Variants in ANKS1A observed in about 807,000 individuals in gnomAD.
The protein encoded by ANKS1A is ankyrin repeat and SAM domain-containing protein 1A.
A neutral mutation model predicts 120.3 loss-of-function variants in ANKS1A; 55 were observed. The observed-to-expected ratio is 0.46, with a 90% CI of 0.37 to 0.57. The LOEUF (loss-of-function observed/expected upper bound fraction) is 0.57. Ranked by LOEUF, ANKS1A falls within the 20% of genes least tolerant of loss-of-function variation. The pLI, the probability that ANKS1A is intolerant of heterozygous loss-of-function variation, is 0.00. For missense variants in ANKS1A, 1,123 were observed against 1,480.3 expected (o/e 0.76, Z 3.96); for synonymous variants, 590 against 604.7 (o/e 0.98, Z 0.36).
At chr6:34,899,751 G>T (rs1459657023) in intron 1 of ANKS1A, among the ~76,000 whole-genome samples, 3 of 152,224 alleles carry the variant, frequency 2.0e-5, no homozygotes, top group Admixed American at 2.0e-4. Context: ...AGGAGCCCCA[G>T]TCTTGGCTTT....
chr6:35,078,717 C>G lies in ANKS1A; in HGVS notation c.2283+61C>G, dbSNP rs890916891. On this transcript the variant is annotated intron_variant, in intron 14 of 23. Coordinates refer to ENST00000360359, the MANE Select transcript of ANKS1A (RefSeq NM_015245.3). ...GGAGCCAGGGCCACCTCCCTAGCACCACCTGCACCAAGAACAGGGGAGGAG... is the reference window on the plus strand; with the variant it reads ...GGAGCCAGGGCCACCTCCCTAGCACGACCTGCACCAAGAACAGGGGAGGAG... The G allele has an allele frequency of 2.7e-6, 4 of 1,483,184 alleles. No individual in the cohort carries two copies. In the African/African-American group the frequency reaches 4.1e-5, roughly 15 times the overall value. 91.9% of individuals were successfully genotyped at this position (1,483,184 alleles called of 1,614,324 possible).
chr6:35,017,457 C>T lies in ANKS1A; in HGVS notation c.1424-16C>T. On this transcript the variant is annotated splice_polypyrimidine_tract_variant and intron_variant, in intron 10 of 23. Transcript: ENST00000360359. ...CGTTTAATTTTTTATTTCTCTGTCT[C>T]TCCGTCCACTCCAAGACCACAGGCG... 6.4e-7 allele frequency: 1 copy of T among 1,573,850 alleles called. No individual in the cohort carries two copies. Among genetic ancestry groups the T allele is most frequent in the Non-Finnish European group, 8.6e-7 (1 of 1,159,706 alleles).
intron 11 of ANKS1A, chr6:35,039,789 G>A (rs1403113050): frequency 4.6e-5 from 15 of 326,746 alleles, no homozygotes; most frequent in Non-Finnish European, 7.9e-5. Context: ...CCTAAGTCAT[G>A]TATTAGGAAG....
At chr6:35,080,377 G>A (rs1046228681) in intron 16 of ANKS1A, among the ~76,000 whole-genome samples, 2 of 152,234 alleles carry the variant, frequency 1.3e-5, no homozygotes, top group Non-Finnish European at 2.9e-5. Context: ...CAACAGAAAC[G>A]GGTTAGACTC....
At chr6:34,901,895 A>G (rs1199812410) in intron 1 of ANKS1A, among the ~76,000 whole-genome samples, 2 of 152,242 alleles carry the variant, frequency 1.3e-5, no homozygotes, top group Non-Finnish European at 2.9e-5. Context: ...CTGTGGAAGT[A>G]TAAGGTGGAA....
chr6:34,946,799 C>T (rs943050862), intron 1 of ANKS1A, among the ~76,000 whole-genome samples: 19 of 152,172 alleles, frequency 1.2e-4, no homozygotes, highest in African/African-American at 4.6e-4. Context: ...ACAGAAATAT[C>T]AATACAACTT....
chr6:34,896,869 T>C (rs140827782), intron 1 of ANKS1A, among the ~76,000 whole-genome samples: 11,101 of 151,816 alleles, frequency 0.073, 615 homozygotes, highest in East Asian at 0.23. Context: ...GAGGCTGAGG[T>C]AGGAGAATTG....
intron 10 of ANKS1A, among the ~76,000 whole-genome samples, chr6:35,002,696 C>T (rs972898547): frequency 1.3e-5 from 2 of 151,816 alleles, no homozygotes; most frequent in African/African-American, 4.8e-5. Context: ...GCCTACAGAC[C>T]CAGTTCCTGA....
intron 10 of ANKS1A, among the ~76,000 whole-genome samples, chr6:35,002,412 T>A (rs1773223015): frequency 6.6e-6 from 1 of 152,162 alleles, no homozygotes; most frequent in Non-Finnish European, 1.5e-5. Context: ...GCGGGACTCA[T>A]TTTCCTTAAA....
intron 11 of ANKS1A, among the ~76,000 whole-genome samples, chr6:35,028,549 T>C (rs1774742142): frequency 6.6e-6 from 1 of 152,222 alleles, no homozygotes; most frequent in South Asian, 2.1e-4. Context: ...CCAAAGACTA[T>C]ATAGTGAAAA....
In ANKS1A at chr6:35,090,584, A is replaced by G; in HGVS notation, c.*1975A>G. 1.0e-6 allele frequency: 1 copy of G among 998,140 alleles called. No homozygotes were observed. The highest frequency in any genetic ancestry group is 1.2e-6 in the Non-Finnish European group (1 of 837,914). The allele number at this position is 998,140 out of a possible 1,614,324, so 61.8% of individuals were successfully genotyped here. A position where few individuals can be genotyped will look rare whatever the true frequency, so the allele number is the denominator to read the frequency against. On this transcript the variant is annotated 3_prime_UTR_variant, in exon 24 of 24. Transcript: ENST00000360359. ...TGCTCTAGCTCTGGGTTCTGTTTAG[A>G]GATTGGTTTATTTCTGAATATTCAA...
intron 13 of ANKS1A, among the ~76,000 whole-genome samples, chr6:35,075,907 C>G (rs944551952): frequency 3.9e-5 from 6 of 152,154 alleles, no homozygotes; most frequent in Non-Finnish European, 8.8e-5. Context: ...ACCACAGCTG[C>G]GCACCACCAT....
In ANKS1A at chr6:34,971,983, C is replaced by A. The variant is rs745718097; in HGVS notation, c.435+1817C>A. On this transcript the variant is annotated intron_variant, in intron 3 of 23. Coordinates refer to ENST00000360359, the MANE Select transcript of ANKS1A (RefSeq NM_015245.3). ...TTAGAATCTAAGTGCAATTTTACTC[C>A]TTCTAGCTAAAGTGGTCATTTCTCT... is the stretch of plus-strand genomic sequence containing the variant. Among the ~76,000 whole-genome samples, 9 of 152,170 alleles carry A rather than the reference C, an allele frequency of 5.9e-5. 1 individual carries two copies. The highest frequency in any genetic ancestry group is 1.3e-4 in the Non-Finnish European group (9 of 68,026).
chr6:35,032,639 C>T (rs1774965079), intron 11 of ANKS1A, among the ~76,000 whole-genome samples: 1 of 152,156 alleles, frequency 6.6e-6, no homozygotes, highest in Admixed American at 6.5e-5. Context: ...AGACTTGCTG[C>T]GCTTGGGCAT....
Position 35,018,053 on chromosome 6 carries a change from G to C in ANKS1A, c.2004G>C (p.Trp668Cys). ...AGTCACCCTCCTTCGCCTCGGAGTGGGATGAGGTAAGGCCGACATGACGTC... is the reference window on the plus strand; with the variant it reads ...AGTCACCCTCCTTCGCCTCGGAGTGCGATGAGGTAAGGCCGACATGACGTC... ...LEKSPSFASE[W>C]DEIEKIMSSI... Residue 668 changes from tryptophan to cysteine, a missense_variant, in exon 11 of 24, where the codon TGG becomes TGC. This residue lies in a region of ANKS1A where 904 missense variants were observed against 1,130.4 expected (regional missense o/e 0.80). Coordinates refer to ENST00000360359, the MANE Select transcript of ANKS1A (RefSeq NM_015245.3). 1 of 1,613,332 alleles carries C rather than the reference G, an allele frequency of 6.2e-7. No homozygotes were observed. The highest frequency in any genetic ancestry group is 8.5e-7 in the Non-Finnish European group (1 of 1,179,782).
rs372595838 is a variant in ANKS1A, at chr6:34,997,195, AT to A, written c.1423+2792del. ...TGAGTCTTCCAATCATATTGGTAGA[AT>A]TTTTTTTTTTTTTTTTTTGAGACAG... On this transcript the variant is annotated intron_variant, in intron 10 of 23. Coordinates refer to ENST00000360359, the MANE Select transcript of ANKS1A (RefSeq NM_015245.3). 3.8e-3 allele frequency among the ~76,000 whole-genome samples: 495 copies of A among 130,238 alleles called. 6 individuals carry two copies. The highest frequency in any genetic ancestry group is 0.026 in the Admixed American group (314 of 12,296). 85.4% of individuals were successfully genotyped at this position (130,238 alleles called of 152,430 possible).
At chr6:34,936,176 C>T (rs1398352022) in intron 1 of ANKS1A, among the ~76,000 whole-genome samples, 1 of 152,034 alleles carries the variant, frequency 6.6e-6, no homozygotes, top group Non-Finnish European at 1.5e-5. Flanking sequence ...GTGCAGAGAA[C>T]CCCCTGATCT....
At chr6:35,005,034 A>G (rs887074788) in intron 10 of ANKS1A, among the ~76,000 whole-genome samples, 31 of 152,102 alleles carry the variant, frequency 2.0e-4, no homozygotes, top group African/African-American at 6.3e-4. Context: ...CCCATAACTC[A>G]TTTTTTCCTT....
chr6:34,915,256 G>A (rs940455704), intron 1 of ANKS1A, among the ~76,000 whole-genome samples: 13 of 152,158 alleles, frequency 8.5e-5, no homozygotes, highest in African/African-American at 2.9e-4. Flanking sequence ...CATGGGCTTG[G>A]TAGGTACTCA....
Sources: gnomAD v4.1 joint callset for allele counts (sites outside exome capture counted in the v4.1 genomes callset) on GRCh38, gnomAD v4.1.1 for gene constraint, gnomAD v4.1.1 regional missense constraint, MANE v1.5 for transcripts, NCBI Gene and HGNC (gene_info 2026-07-23, HGNC 2026-07-21) for gene names.